AHCTF1: variants seen among roughly 807,000 people sequenced by gnomAD.
AHCTF1 encodes AT-hook containing transcription factor 1.
Under a neutral mutation model 248.4 loss-of-function variants are expected in AHCTF1, and 24 were observed. The ratio of observed to expected loss-of-function variants is 0.10; its 90% CI spans 0.07 to 0.14. AHCTF1 has a LOEUF of 0.14. AHCTF1 is among the 10% of genes least tolerant of loss of function. The pLI is 1.00. For missense variants in AHCTF1, 2,206 were observed against 2,636.2 expected (o/e 0.84, Z 3.57); for synonymous variants, 786 against 929.8 (o/e 0.85, Z 2.81).
chr1:246,899,334 G>T, intron 11 of AHCTF1, 117 bp downstream of exon 11: 1 of 760,962 alleles, frequency 1.3e-6, no homozygotes, highest in Non-Finnish European at 2.1e-6. Context: ...CCTAGCAGAA[G>T]CTACCATTTA....
chr1:246,894,369 G>A (rs1464892382), intron 14 of AHCTF1, among the ~76,000 whole-genome samples: 1 of 152,062 alleles, frequency 6.6e-6, no homozygotes, highest in Admixed American at 6.6e-5. Flanking sequence ...TCAGGAGATC[G>A]AGACCATCCT....
chr1:246,888,707 C>T (rs775419828), intron 17 of AHCTF1, among the ~76,000 whole-genome samples, 190 bp from the exon 18 acceptor site: 3 of 151,764 alleles, frequency 2.0e-5, no homozygotes, highest in Non-Finnish European at 4.4e-5. Flanking sequence ...GTCAGGAGTT[C>T]GAGACCAGCC....
intron 33 of AHCTF1, among the ~76,000 whole-genome samples, chr1:246,849,366 G>C (rs1362042317): frequency 6.6e-6 from 1 of 152,138 alleles, no homozygotes; most frequent in Admixed American, 6.5e-5. Flanking sequence ...TCACAGAAGA[G>C]AAATTACACT....
rs1318357661 is a variant in AHCTF1 at position 246,843,783 on chromosome 1, T to C, written c.6525+12A>G. 1.0e-5 allele frequency: 14 copies of C among 1,383,494 alleles called. No homozygotes were observed. The Admixed American group carries it at 3.9e-4, about 38-fold the overall frequency. 85.7% of individuals were successfully genotyped at this position (1,383,494 alleles called of 1,614,324 possible). On this transcript the variant is annotated intron_variant, in intron 34 of 35. Coordinates refer to ENST00000648844, the MANE Select transcript of AHCTF1 (RefSeq NM_001323342.2). ...TTTAACAAACATACAAATAAAATCA[T>C]GCATTTCTTACCAGTTCATCTTCAA...
chr1:246,869,071 C>T (rs574031205), intron 24 of AHCTF1, among the ~76,000 whole-genome samples: 2 of 151,636 alleles, frequency 1.3e-5, no homozygotes, highest in Admixed American at 6.6e-5. Flanking sequence ...GTCTCGATCT[C>T]CTGACCTCGT....
intron 21 of AHCTF1, among the ~76,000 whole-genome samples, chr1:246,878,790 G>C (rs908950982): frequency 1.1e-4 from 17 of 152,320 alleles, no homozygotes; most frequent in African/African-American, 3.6e-4. Flanking sequence ...TCTGGAACTA[G>C]AGTATTTCCA....
At chr1:246,908,722 C>CT in intron 4 of AHCTF1, among the ~76,000 whole-genome samples, 1 of 116,000 alleles carries the variant, frequency 8.6e-6, no homozygotes, top group Non-Finnish European at 1.7e-5. Context: ...CCAGTCTCTA[C>CT]TAAAAAAAAA....
chr1:246,915,426 A>G (rs899725113), intron 3 of AHCTF1, among the ~76,000 whole-genome samples: 1 of 151,968 alleles, frequency 6.6e-6, no homozygotes, highest in Non-Finnish European at 1.5e-5. Context: ...CTGGCCCCCT[A>G]TTCTTCCTTC....
intron 24 of AHCTF1, among the ~76,000 whole-genome samples, chr1:246,870,413 A>G (rs576186021): frequency 1.3e-5 from 2 of 152,222 alleles, no homozygotes; most frequent in Non-Finnish European, 2.9e-5. Flanking sequence ...ACAGACAAAG[A>G]CCTTGTCTCT....
At chr1:246,873,086 A>T (rs1032089137) in intron 24 of AHCTF1, among the ~76,000 whole-genome samples, 11 of 152,188 alleles carry the variant, frequency 7.2e-5, no homozygotes, top group Non-Finnish European at 1.3e-4. Flanking sequence ...ATCAGGCGCT[A>T]CTAGGTTCGA....
In AHCTF1 at chr1:246,881,427, C is replaced by T. The variant is rs530559505; in HGVS notation, c.2660+4066G>A. ...ACACAGAAAGATTAAAACCATGCAA[C>T]GAACAAACTTGATCATGGGGACAAA... On this transcript the variant is annotated intron_variant, in intron 21 of 35. Transcript: ENST00000648844. Among the ~76,000 whole-genome samples the T allele has an allele frequency of 2.6e-5, 4 of 152,170 alleles. No individual in the cohort carries two copies. In the South Asian group the frequency reaches 6.2e-4, roughly 24 times the overall value.
intron 1 of AHCTF1, among the ~76,000 whole-genome samples, chr1:246,920,135 TC>T (rs1266054542): frequency 1.7e-5 from 1 of 59,118 alleles, no homozygotes; most frequent in Non-Finnish European, 2.9e-5. Context: ...TGAGACTCTG[TC>T]CCCCGCAAAA....
intron 24 of AHCTF1, among the ~76,000 whole-genome samples, chr1:246,869,227 T>A (rs1190177702): frequency 6.6e-6 from 1 of 152,120 alleles, no homozygotes; most frequent in Admixed American, 6.5e-5. Context: ...TCCAACAGCG[T>A]GTACTTACTC....
At chr1:246,881,774 G>A (rs958408481) in intron 21 of AHCTF1, among the ~76,000 whole-genome samples, 3 of 149,322 alleles carry the variant, frequency 2.0e-5, no homozygotes, top group African/African-American at 7.4e-5. Flanking sequence ...GGAGGCAGAG[G>A]TTGCAGTGAG....
chr1:246,847,947 C>T (rs995562134), intron 33 of AHCTF1, among the ~76,000 whole-genome samples: 3 of 152,070 alleles, frequency 2.0e-5, no homozygotes, highest in East Asian at 1.9e-4. Flanking sequence ...TTTAATAAAA[C>T]CTTAATAAAA....
intron 17 of AHCTF1, 129 bp from the exon 18 acceptor site, chr1:246,888,646 T>C: frequency 8.4e-7 from 1 of 1,186,460 alleles, no homozygotes; most frequent in South Asian, 1.6e-5. Flanking sequence ...TGGTGGCTTA[T>C]GTCTGTAATC....
chr1:246,891,167 T>A, intron 15 of AHCTF1, 107 bp from the exon 16 acceptor site: 1 of 620,802 alleles, frequency 1.6e-6, no homozygotes, highest in Non-Finnish European at 2.7e-6. Flanking sequence ...AAATATATAT[T>A]TTACATATAC....
chr1:246,916,351 C>G lies in AHCTF1; in HGVS notation c.166G>C (p.Val56Leu). 2 of 1,601,806 alleles carry G rather than the reference C, an allele frequency of 1.2e-6. No individual in the cohort carries two copies. Among genetic ancestry groups the G allele is most frequent in the African/African-American group, 2.7e-5 (2 of 74,206 alleles). ...ACLACGPQLE[V>L]VNSITGERLS... ...CGCTCTCCTGTTATAGAGTTTACTA[C>G]CTCAAGTTGTGGACCACAAGCCAAG... Residue 56 changes from valine to leucine, a missense_variant, in exon 3 of 36, where the codon GTA (valine) becomes CTA (leucine). This residue lies in a region of AHCTF1 where 69 missense variants were observed against 85.4 expected (regional missense o/e 0.81). Transcript: ENST00000648844.
intron 24 of AHCTF1, among the ~76,000 whole-genome samples, chr1:246,871,540 G>A (rs1662590669): frequency 6.6e-6 from 1 of 152,104 alleles, no homozygotes; most frequent in Non-Finnish European, 1.5e-5. Flanking sequence ...TCACAGAAAG[G>A]GGCCCAGAAA....
Sources: gnomAD v4.1 joint callset for allele counts (sites outside exome capture counted in the v4.1 genomes callset) on GRCh38, gnomAD v4.1.1 for gene constraint, gnomAD v4.1.1 regional missense constraint, MANE v1.5 for transcripts, NCBI Gene and HGNC (gene_info 2026-07-23, HGNC 2026-07-21) for gene names.